The following SUGT1 variants were observed in gnomAD, a reference collection of about 807,000 sequenced individuals.
The protein encoded by SUGT1 is protein SGT1 homolog.
Under a neutral mutation model 56.1 loss-of-function variants are expected in SUGT1, and 15 were observed. That is an observed-to-expected ratio of 0.27 (90% confidence interval 0.18 to 0.41). The LOEUF (loss-of-function observed/expected upper bound fraction) is 0.41, where lower values mean the gene tolerates loss of function less well. Among genes scored for constraint, SUGT1 ranks in the 10% least tolerant of loss-of-function variants. The probability of loss-of-function intolerance (pLI) is 1.00; values close to 1 mark genes in which losing one functional copy is unlikely to be tolerated. For synonymous variants in SUGT1, 123 were observed against 128.6 expected, an observed-to-expected ratio of 0.96 and a Z score of 0.30; for missense variants, 347 against 382.2, an observed-to-expected ratio of 0.91 and a Z score of 0.77.
Position 52,663,137 on chromosome 13 carries a change from A to G in SUGT1, c.399+25A>G, listed in dbSNP as rs376730102. The stretch of plus-strand genomic sequence containing the variant: ...GGTAAGTCCAAAGTTTTCATTCTTC[A>G]TGTTTTTATTATTTTAAATTTCAGC... On this transcript the variant is annotated intron_variant, in intron 7 of 12. Coordinates refer to ENST00000310528, the MANE Select transcript of SUGT1 (RefSeq NM_006704.5). 2.3e-5 allele frequency: 37 copies of G among 1,603,352 alleles called. No homozygotes were observed. In the South Asian group the frequency reaches 3.6e-4, roughly 16 times the overall value.
Position 52,692,849 on chromosome 13 carries a change from G to T in SUGT1, c.*5014G>T, listed in dbSNP as rs890348566. The T allele has an allele frequency of 6.6e-6, 1 of 152,176 alleles. No individual in the cohort carries two copies. Among genetic ancestry groups the T allele is most frequent in the African/African-American group, 2.4e-5 (1 of 41,430 alleles). The allele number at this position is 152,176 out of a possible 1,614,324, so 9.4% of individuals were successfully genotyped here. ...AAGAAGTAGTCTGATTTTTGAGAGG[G>T]TGCTGTTTTTCTCAAATCTAGATCA... On this transcript the variant is annotated 3_prime_UTR_variant, in exon 13 of 13. Coordinates refer to ENST00000310528, the MANE Select transcript of SUGT1 (RefSeq NM_006704.5).
chr13:52,654,733 A>G (rs1027840272), intron 2 of SUGT1, among the ~76,000 whole-genome samples: 2 of 152,250 alleles, frequency 1.3e-5, no homozygotes, highest in East Asian at 1.9e-4. Flanking sequence ...TAATGATTAC[A>G]TAAGTATACA....
intron 12 of SUGT1, among the ~76,000 whole-genome samples, chr13:52,684,540 T>C (rs1963502088): frequency 6.6e-6 from 1 of 151,918 alleles, no homozygotes; most frequent in African/African-American, 2.4e-5. Flanking sequence ...TCTATTTCTA[T>C]CTATTCACTC....
At chr13:52,668,063 G>C (rs1418731202) in intron 10 of SUGT1, among the ~76,000 whole-genome samples, 1 of 151,462 alleles carries the variant, frequency 6.6e-6, no homozygotes, top group African/African-American at 2.4e-5. Flanking sequence ...TGCAACCTCC[G>C]CCTTCTTGAA....
At chr13:52,659,825 T>G (rs1181266843) in intron 5 of SUGT1, among the ~76,000 whole-genome samples, 49 of 54,228 alleles carry the variant, frequency 9.0e-4, no homozygotes, top group Non-Finnish European at 1.3e-3. Context: ...TTTTTTTTTT[T>G]TTTTTTTTTT....
In SUGT1 at chr13:52,696,963, G is replaced by A. The variant is rs929060614; in HGVS notation, c.*9128G>A. 2 of 120,092 alleles carry A rather than the reference G, an allele frequency of 1.7e-5. No individual in the cohort carries two copies. The highest frequency in any genetic ancestry group is 8.4e-5 in the Admixed American group (1 of 11,844). The allele number at this position is 120,092 out of a possible 1,614,324, so 7.4% of individuals were successfully genotyped here. A position where few individuals can be genotyped will look rare whatever the true frequency, so the allele number is the denominator to read the frequency against. Reference sequence around the variant, plus strand: ...ATTTAATTTTGAGATACCATTTTTTGGAGGGGTGTCCTGATTTATTTTATT... The same window carrying A: ...ATTTAATTTTGAGATACCATTTTTTAGAGGGGTGTCCTGATTTATTTTATT... On this transcript the variant is annotated 3_prime_UTR_variant, in exon 13 of 13. Coordinates refer to ENST00000310528, the MANE Select transcript of SUGT1 (RefSeq NM_006704.5).
chr13:52,658,609 A>C (rs1962276832), intron 4 of SUGT1, 141 bp downstream of exon 4: 2 of 723,422 alleles, frequency 2.8e-6, no homozygotes, highest in Non-Finnish European at 4.1e-6. Context: ...TTCAATTTTA[A>C]ATACAACTTA....
At chr13:52,678,715 G>A (rs749785856) in intron 11 of SUGT1, among the ~76,000 whole-genome samples, 3 of 146,270 alleles carry the variant, frequency 2.1e-5, no homozygotes, top group Non-Finnish European at 4.5e-5. Flanking sequence ...GTCTTGCTGT[G>A]TCACCCAGGC....
chr13:52,652,963 A>C lies in SUGT1; in HGVS notation c.38+5A>C. On this transcript the variant is annotated splice_donor_5th_base_variant and intron_variant, in intron 1 of 12. Coordinates refer to ENST00000310528, the MANE Select transcript of SUGT1 (RefSeq NM_006704.5). ...AGGAACTGCAACATCCCAGAGGTGCATGTTTTTCTTTCCCTTTGGTATTTA... is the reference window on the plus strand; with the variant it reads ...AGGAACTGCAACATCCCAGAGGTGCCTGTTTTTCTTTCCCTTTGGTATTTA... 6.2e-7 allele frequency: 1 copy of C among 1,614,170 alleles called. No homozygotes were observed. The highest frequency in any genetic ancestry group is 8.5e-7 in the Non-Finnish European group (1 of 1,180,000).
intron 11 of SUGT1, among the ~76,000 whole-genome samples, chr13:52,677,690 G>A (rs1303343889): frequency 6.6e-6 from 1 of 151,940 alleles, no homozygotes; most frequent in African/African-American, 2.4e-5. Context: ...CTTCTCAGTT[G>A]GGTCCAGTTA....
rs1963668125 is a variant in SUGT1 at position 52,688,203 on chromosome 13, G to A, written c.*368G>A. 1 of 153,684 alleles carries A rather than the reference G, an allele frequency of 6.5e-6. No homozygotes were observed. Among genetic ancestry groups the A allele is most frequent in the African/African-American group, 2.4e-5 (1 of 41,454 alleles). 9.5% of individuals were successfully genotyped at this position (153,684 alleles called of 1,614,324 possible). ...AATTTATTAGACCTGGCAGCTTTGG[G>A]TGAGCTTAGATTTTTCACCTTCAGT... is the stretch of plus-strand genomic sequence containing the variant. On this transcript the variant is annotated 3_prime_UTR_variant, in exon 13 of 13. Transcript: ENST00000310528.
chr13:52,663,444 C>T (rs774980972), intron 7 of SUGT1, among the ~76,000 whole-genome samples: 1 of 152,108 alleles, frequency 6.6e-6, no homozygotes, highest in Non-Finnish European at 1.5e-5. Flanking sequence ...ACTTGTAGGG[C>T]TTTTTATGAT....
At chr13:52,658,912 C>A (rs1031302038) in intron 4 of SUGT1, among the ~76,000 whole-genome samples, 2 of 151,714 alleles carry the variant, frequency 1.3e-5, no homozygotes, top group African/African-American at 2.4e-5. Flanking sequence ...TAAGAAACTT[C>A]TTTAATTCCT....
chr13:52,660,998 G>A (rs909563241), intron 5 of SUGT1, among the ~76,000 whole-genome samples: 7 of 152,094 alleles, frequency 4.6e-5, no homozygotes, highest in Admixed American at 4.6e-4. Flanking sequence ...TTTTTGCAGA[G>A]ATGGGGATTT....
chr13:52,679,835 A>G (rs1963297261), intron 11 of SUGT1, 139 bp from the exon 12 acceptor site: 13 of 724,670 alleles, frequency 1.8e-5, no homozygotes, highest in Non-Finnish European at 2.7e-5. Flanking sequence ...TATACCAGAA[A>G]GACACTTATT....
Position 52,692,143 on chromosome 13 carries a change from C to T in SUGT1, c.*4308C>T, listed in dbSNP as rs1052080586. On this transcript the variant is annotated 3_prime_UTR_variant, in exon 13 of 13. Transcript: ENST00000310528. ...TCTTATGGATTGGGTGGCATTATCTCATTTTTAATCGCCCTTCAATAGCAT... is the reference window on the plus strand; with the variant it reads ...TCTTATGGATTGGGTGGCATTATCTTATTTTTAATCGCCCTTCAATAGCAT... 6.6e-6 allele frequency: 1 copy of T among 152,162 alleles called. No homozygotes were observed. The highest frequency in any genetic ancestry group is 1.5e-5 in the Non-Finnish European group (1 of 68,034). 9.4% of individuals were successfully genotyped at this position (152,162 alleles called of 1,614,324 possible).
chr13:52,672,398 A>G (rs1962980986), intron 10 of SUGT1, among the ~76,000 whole-genome samples: 1 of 152,148 alleles, frequency 6.6e-6, no homozygotes, highest in African/African-American at 2.4e-5. Flanking sequence ...AAATATTTGA[A>G]ATGAGCTGTT....
In SUGT1 at chr13:52,692,954, T is replaced by C. The variant is rs1963824083; in HGVS notation, c.*5119T>C. 6.6e-6 allele frequency: 1 copy of C among 152,206 alleles called. No individual in the cohort carries two copies. Among genetic ancestry groups the C allele is most frequent in the Non-Finnish European group, 1.5e-5 (1 of 68,032 alleles). 9.4% of individuals were successfully genotyped at this position (152,206 alleles called of 1,614,324 possible). ...CATGATGCCAATGAAATTCTTTTTT[T>C]CCTTTAACTTGGGAGCTCTCATACC... On this transcript the variant is annotated 3_prime_UTR_variant, in exon 13 of 13. Transcript: ENST00000310528.
rs1963965550 is a variant in SUGT1 at position 52,697,203 on chromosome 13, G to C, written c.*9368G>C. 1 of 152,194 alleles carries C rather than the reference G, an allele frequency of 6.6e-6. No individual in the cohort carries two copies. Among genetic ancestry groups the C allele is most frequent in the South Asian group, 2.1e-4 (1 of 4,872 alleles). The allele number at this position is 152,194 out of a possible 1,614,324, so 9.4% of individuals were successfully genotyped here. On this transcript the variant is annotated 3_prime_UTR_variant, in exon 13 of 13. Coordinates refer to ENST00000310528, the MANE Select transcript of SUGT1 (RefSeq NM_006704.5). ...TTTTGTGTAGAGATGGGGTCTCCCT[G>C]CATTGCCCAGGTTGGTCTCTCAAAC...
Sources: allele counts gnomAD v4.1 joint callset (sites outside exome capture counted in the v4.1 genomes callset), GRCh38; gene constraint gnomAD v4.1.1; transcripts MANE v1.5; gene names NCBI Gene and HGNC (gene_info 2026-07-23, HGNC 2026-07-21).